Variants in ADCY2 observed in about 807,000 individuals in gnomAD.
The protein encoded by ADCY2 is adenylate cyclase 2.
ADCY2 carries 31 observed loss-of-function variants against 125.2 expected under a neutral mutation model. That is an observed-to-expected ratio of 0.25 (90% CI 0.19 to 0.33). The LOEUF (loss-of-function observed/expected upper bound fraction) is 0.33. Ranked by LOEUF, ADCY2 falls within the 10% of genes least tolerant of loss-of-function variation. ADCY2 has a pLI of 1.00. For missense variants in ADCY2, 904 were observed against 1,418.2 expected (o/e 0.64, Z 5.82); for synonymous variants, 512 against 548.4 (o/e 0.93, Z 0.93).
chr5:7,465,117 C>CCA (rs1209068311), intron 2 of ADCY2, among the ~76,000 whole-genome samples: 2 of 152,314 alleles, frequency 1.3e-5, no homozygotes, highest in Admixed American at 6.5e-5. Context: ...TCAGTTATCT[C>CCA]CCACTGGGTC....
chr5:7,667,826 G>A (rs970187738), intron 4 of ADCY2, among the ~76,000 whole-genome samples: 2 of 152,216 alleles, frequency 1.3e-5, no homozygotes, highest in Non-Finnish European at 2.9e-5. Context: ...CGTTGATGGT[G>A]TAGACATGGG....
chr5:7,550,835 C>G (rs1221962095), intron 3 of ADCY2, among the ~76,000 whole-genome samples: 2 of 152,200 alleles, frequency 1.3e-5, no homozygotes, highest in Non-Finnish European at 2.9e-5. Context: ...AATGCCTGAG[C>G]CACCTGCTCC....
chr5:7,810,370 T>C (rs780866312), intron 22 of ADCY2, among the ~76,000 whole-genome samples: 2 of 151,142 alleles, frequency 1.3e-5, no homozygotes, highest in Admixed American at 1.3e-4. Context: ...ATCTGCTTGA[T>C]TGGTGAGTTT....
chr5:7,683,924 C>A (rs532472895), intron 4 of ADCY2, among the ~76,000 whole-genome samples: 7 of 152,340 alleles, frequency 4.6e-5, no homozygotes, highest in Admixed American at 2.6e-4. Flanking sequence ...TGTCCTCCTC[C>A]TCAGAAGAAA....
At chr5:7,763,044 T>G (rs1419904811) in intron 16 of ADCY2, among the ~76,000 whole-genome samples, 1 of 141,802 alleles carries the variant, frequency 7.1e-6, no homozygotes, top group Non-Finnish European at 1.5e-5. Flanking sequence ...TTCATTTTCT[T>G]TGTTTTTTTT....
chr5:7,622,905 G>C (rs1042241556), intron 3 of ADCY2, among the ~76,000 whole-genome samples: 3 of 152,230 alleles, frequency 2.0e-5, no homozygotes, highest in South Asian at 2.1e-4. Flanking sequence ...GCCCCAGCGT[G>C]GGGGAAGAAA....
intron 24 of ADCY2, among the ~76,000 whole-genome samples, chr5:7,823,868 T>G (rs952067078): frequency 4.6e-5 from 7 of 152,112 alleles, no homozygotes; most frequent in African/African-American, 1.4e-4. Flanking sequence ...AAGAGGATAT[T>G]GGGCTTCATA....
At position 7,730,158 on chromosome 5, in the gene ADCY2, T is replaced by C. The variant is rs1196174565; in HGVS notation, c.1871+2897T>C. ...TATTTGGTTTTCCATTCCTGAGTTA[T>C]TTCACTTAGAATAATGGCTTCCAGC... On this transcript the variant is annotated intron_variant, in intron 14 of 24. Coordinates refer to ENST00000338316, the MANE Select transcript of ADCY2 (RefSeq NM_020546.3). 2.6e-5 allele frequency among the ~76,000 whole-genome samples: 4 copies of C among 152,180 alleles called. No homozygotes were observed. In the East Asian group the frequency reaches 7.7e-4, roughly 29 times the overall value.
intron 3 of ADCY2, among the ~76,000 whole-genome samples, chr5:7,537,288 C>A (rs1734845550): frequency 6.6e-6 from 1 of 152,212 alleles, no homozygotes; most frequent in South Asian, 2.1e-4. Flanking sequence ...TTATTCCTGG[C>A]TCCAGGTTTC....
chr5:7,483,133 T>C (rs139623847), intron 2 of ADCY2, among the ~76,000 whole-genome samples: 59 of 152,270 alleles, frequency 3.9e-4, no homozygotes, highest in Admixed American at 7.2e-4. Flanking sequence ...AACAGTAATT[T>C]ATTGTATATT....
At chr5:7,410,184 G>T (rs1739655057) in intron 1 of ADCY2, among the ~76,000 whole-genome samples, 1 of 152,142 alleles carries the variant, frequency 6.6e-6, no homozygotes, top group African/African-American at 2.4e-5. Context: ...AAAAATCACA[G>T]CAGGAAGTGA....
At chr5:7,684,559 G>C (rs1740449350) in intron 4 of ADCY2, among the ~76,000 whole-genome samples, 1 of 152,208 alleles carries the variant, frequency 6.6e-6, no homozygotes, top group Non-Finnish European at 1.5e-5. Context: ...ACTGCTAACT[G>C]AAGAGTCATC....
At chr5:7,504,737 G>C (rs1326843354) in intron 2 of ADCY2, among the ~76,000 whole-genome samples, 3 of 150,904 alleles carry the variant, frequency 2.0e-5, no homozygotes, top group Non-Finnish European at 4.4e-5. Context: ...TTGAACTCCT[G>C]GGCTCAAAAG....
intron 2 of ADCY2, among the ~76,000 whole-genome samples, chr5:7,426,300 T>C (rs1279995744): frequency 1.3e-5 from 2 of 152,226 alleles, no homozygotes; most frequent in African/African-American, 4.8e-5. Flanking sequence ...TTTGCTGCTA[T>C]AACAAAATAC....
intron 4 of ADCY2, among the ~76,000 whole-genome samples, chr5:7,670,119 G>A (rs925292033): frequency 2.6e-5 from 4 of 151,878 alleles, no homozygotes; most frequent in Non-Finnish European, 4.4e-5. Flanking sequence ...TTCATTCATT[G>A]CCCAGTATAT....
chr5:7,489,157 C>T (rs369495509), intron 2 of ADCY2, among the ~76,000 whole-genome samples: 70 of 152,266 alleles, frequency 4.6e-4, no homozygotes, highest in African/African-American at 1.6e-3. Context: ...GTCTTGGATA[C>T]CCCCCTTTGC....
chr5:7,506,970 G>A (rs1009970860), intron 2 of ADCY2, among the ~76,000 whole-genome samples: 1 of 149,708 alleles, frequency 6.7e-6, no homozygotes, highest in Non-Finnish European at 1.5e-5. Context: ...TGTATTTTTA[G>A]TACAGACGGG....
In ADCY2 at chr5:7,617,340, G is replaced by A. The variant is rs114413403; in HGVS notation, c.571-8827G>A. On this transcript the variant is annotated intron_variant, in intron 3 of 24. Coordinates refer to ENST00000338316, the MANE Select transcript of ADCY2 (RefSeq NM_020546.3). Reference sequence around the variant, plus strand: ...AAATAGGCCAAGTCACAGCAAGAAGGCAGCCGTCTGCAAGCCAAGGAGAGA... The same window carrying A: ...AAATAGGCCAAGTCACAGCAAGAAGACAGCCGTCTGCAAGCCAAGGAGAGA... 3.8e-3 allele frequency among the ~76,000 whole-genome samples: 582 copies of A among 152,274 alleles called. 3 individuals are homozygous for A. Among genetic ancestry groups the A allele is most frequent in the African/African-American group, 0.013 (559 of 41,542 alleles).
At chr5:7,727,096 C>T in intron 13 of ADCY2, 68 bp from the exon 14 acceptor site, 4 of 1,201,368 alleles carry the variant, frequency 3.3e-6, no homozygotes, top group Non-Finnish European at 4.8e-6. Flanking sequence ...TACAACTAGG[C>T]TGCTGGACAC....
Sources: gnomAD v4.1 joint callset for allele counts (sites outside exome capture counted in the v4.1 genomes callset) on GRCh38, gnomAD v4.1.1 for gene constraint, MANE v1.5 for transcripts, NCBI Gene and HGNC (gene_info 2026-07-23, HGNC 2026-07-21) for gene names.